Variants in ZDHHC21 observed in about 807,000 individuals in gnomAD.
ZDHHC21 encodes palmitoyltransferase ZDHHC21.
A neutral mutation model predicts 34.6 loss-of-function variants in ZDHHC21; 15 were observed. The ratio of observed to expected loss-of-function variants is 0.43; its 90% CI spans 0.29 to 0.67. ZDHHC21 has a LOEUF of 0.67. ZDHHC21 is among the 30% of genes least tolerant of loss of function. The pLI, the probability that ZDHHC21 is intolerant of heterozygous loss-of-function variation, is 0.14. For synonymous variants in ZDHHC21, 142 were observed against 101.8 expected (o/e 1.40, Z -2.38); for missense variants, 344 against 327.7 (o/e 1.05, Z -0.38).
intron 7 of ZDHHC21, among the ~76,000 whole-genome samples, chr9:14,644,040 G>T (rs1376067813): frequency 6.6e-6 from 1 of 152,102 alleles, no homozygotes; most frequent in African/African-American, 2.4e-5. Flanking sequence ...ACATACTCAT[G>T]CATACATTCA....
At chr9:14,648,876 T>C (rs1830722510) in intron 7 of ZDHHC21, among the ~76,000 whole-genome samples, 1 of 152,150 alleles carries the variant, frequency 6.6e-6, no homozygotes, top group Non-Finnish European at 1.5e-5. Context: ...GCAATTTTTA[T>C]TTATAAACCA....
chr9:14,672,886 C>A lies in ZDHHC21; in HGVS notation c.197G>T (p.Arg66Met). Residue 66 changes from arginine (R) to methionine (M), a missense_variant, in exon 5 of 10, where the codon AGG becomes ATG. Arg to Met is a moderately conservative substitution (Grantham distance 91). Coordinates refer to ENST00000380916, the MANE Select transcript of ZDHHC21 (RefSeq NM_178566.6). Reference protein sequence around the residue: ...ISIFCLVALVRASITDPGRLP... With the variant: ...ISIFCLVALVMASITDPGRLP... ...TCTTCCTGGATCAGTTATGGAGGCC[C>A]TCACTAAGGCAACCAGACAGAATAT... 1 of 1,607,558 alleles carries A rather than the reference C, an allele frequency of 6.2e-7. No individual in the cohort carries two copies. Among genetic ancestry groups the A allele is most frequent in the South Asian group, 1.1e-5 (1 of 90,078 alleles).
chr9:14,621,513 C>G (rs187889151), intron 8 of ZDHHC21, among the ~76,000 whole-genome samples: 10 of 152,180 alleles, frequency 6.6e-5, no homozygotes, highest in Admixed American at 2.6e-4. Context: ...ATTAAATCAT[C>G]ATAAGCATGG....
chr9:14,692,325 A>G (rs998186484), intron 1 of ZDHHC21, among the ~76,000 whole-genome samples: 1 of 152,220 alleles, frequency 6.6e-6, no homozygotes, highest in Non-Finnish European at 1.5e-5. Flanking sequence ...AAGTGCATAT[A>G]TTAGCATAGT....
At chr9:14,619,980 T>C (rs570869278) in intron 8 of ZDHHC21, among the ~76,000 whole-genome samples, 7 of 152,150 alleles carry the variant, frequency 4.6e-5, no homozygotes, top group African/African-American at 9.6e-5. Context: ...TTCTTGACAA[T>C]TCCTTTGAAA....
At chr9:14,645,734 A>T (rs1237379526) in intron 7 of ZDHHC21, among the ~76,000 whole-genome samples, 3 of 152,138 alleles carry the variant, frequency 2.0e-5, no homozygotes, top group Non-Finnish European at 4.4e-5. Flanking sequence ...AATTACCAAG[A>T]AAAAGTCAAA....
At chr9:14,691,328 G>C (rs538789088) in intron 1 of ZDHHC21, among the ~76,000 whole-genome samples, 2 of 152,326 alleles carry the variant, frequency 1.3e-5, no homozygotes, top group South Asian at 2.1e-4. Flanking sequence ...GTTTGCACTT[G>C]TTACTATTCA....
In ZDHHC21 at chr9:14,666,590, T is replaced by C. The variant is rs1210332732; in HGVS notation, c.254-4264A>G. ...CACACCTATTCCAAAATTGACCACA[T>C]AGTAGGAAGTAAAGCTCTCCTCAGC... On this transcript the variant is annotated intron_variant, in intron 5 of 9. Transcript: ENST00000380916. 3.8e-5 allele frequency among the ~76,000 whole-genome samples: 4 copies of C among 105,796 alleles called. 1 individual carries two copies. The South Asian group carries it at 1.2e-3, about 32-fold the overall frequency. 69.4% of individuals were successfully genotyped at this position (105,796 alleles called of 152,430 possible).
chr9:14,672,151 A>C (rs1300419230), intron 5 of ZDHHC21, among the ~76,000 whole-genome samples: 2 of 152,084 alleles, frequency 1.3e-5, no homozygotes, highest in African/African-American at 4.8e-5. Context: ...AGAGTAATTC[A>C]ATAAAAAAAT....
In ZDHHC21 at chr9:14,616,836, T is replaced by C. The variant is rs573937472; in HGVS notation, c.*2130A>G. ...TTGTAGTCCAATAATTTAGGGGAACTGAGTACAGAGGGATCAGGACCAGGA... is the reference window on the plus strand; with the variant it reads ...TTGTAGTCCAATAATTTAGGGGAACCGAGTACAGAGGGATCAGGACCAGGA... On this transcript the variant is annotated 3_prime_UTR_variant, in exon 10 of 10. Coordinates refer to ENST00000380916, the MANE Select transcript of ZDHHC21 (RefSeq NM_178566.6). The C allele has an allele frequency of 1.3e-5, 2 of 151,852 alleles. No individual in the cohort carries two copies. Among genetic ancestry groups the C allele is most frequent in the South Asian group, 4.2e-4 (2 of 4,816 alleles). 9.4% of individuals were successfully genotyped at this position (151,852 alleles called of 1,614,324 possible).
downstream of ZDHHC21, among the ~76,000 whole-genome samples, chr9:14,608,880 T>A (rs1197618774): frequency 2.0e-5 from 3 of 152,168 alleles, no homozygotes; most frequent in Non-Finnish European, 4.4e-5. Context: ...TATAATACAA[T>A]CACGTATTTT....
At position 14,685,886 on chromosome 9, in the gene ZDHHC21, T is replaced by C. The variant is rs1018726051; in HGVS notation, c.-176+4451A>G. ...AATACTATGCAGCCATAAAAAAGGATGAGTTCATGTCCTTTGTAGGGACAC... is the reference window on the plus strand; with the variant it reads ...AATACTATGCAGCCATAAAAAAGGACGAGTTCATGTCCTTTGTAGGGACAC... On this transcript the variant is annotated intron_variant, in intron 2 of 9. Coordinates refer to ENST00000380916, the MANE Select transcript of ZDHHC21 (RefSeq NM_178566.6). Among the ~76,000 whole-genome samples the C allele has an allele frequency of 2.5e-4, 38 of 152,314 alleles. 1 individual carries two copies. The highest frequency in any genetic ancestry group is 8.7e-4 in the African/African-American group (36 of 41,558).
intron 5 of ZDHHC21, among the ~76,000 whole-genome samples, chr9:14,664,428 G>C (rs896518104): frequency 2.7e-5 from 4 of 150,838 alleles, no homozygotes; most frequent in African/African-American, 4.9e-5. Flanking sequence ...AGCCAGGCTG[G>C]GGGAGGGGCG....
At chr9:14,664,488 G>C (rs965096651) in intron 5 of ZDHHC21, among the ~76,000 whole-genome samples, 16 of 151,898 alleles carry the variant, frequency 1.1e-4, no homozygotes, top group Non-Finnish European at 1.6e-4. Context: ...CGGGAAGCTC[G>C]AACTGGCTGG....
At chr9:14,681,074 G>A (rs563258844) in intron 2 of ZDHHC21, among the ~76,000 whole-genome samples, 2 of 152,228 alleles carry the variant, frequency 1.3e-5, no homozygotes, top group African/African-American at 4.8e-5. Context: ...ACAGAATGGG[G>A]TAAGATGTTC....
At chr9:14,593,955 G>A in the ZDHHC21 span, 1 of 152,276 alleles carries the variant, frequency 6.6e-6, no homozygotes, top group African/African-American at 2.4e-5. Flanking sequence ...TGGCTTGGGA[G>A]ACAGCTTGGG....
chr9:14,647,900 A>G (rs1423377931), intron 7 of ZDHHC21, among the ~76,000 whole-genome samples: 2 of 152,036 alleles, frequency 1.3e-5, no homozygotes, highest in African/African-American at 2.4e-5. Flanking sequence ...AAAGCTCCCA[A>G]ATTTATTTAT....
chr9:14,635,380 A>T (rs1828097102), intron 8 of ZDHHC21, among the ~76,000 whole-genome samples: 3 of 152,206 alleles, frequency 2.0e-5, no homozygotes, highest in African/African-American at 7.2e-5. Flanking sequence ...CCGATTTGGC[A>T]CATCATAATC....
intron 1 of ZDHHC21, among the ~76,000 whole-genome samples, chr9:14,692,303 G>C (rs1383523196): frequency 1.3e-5 from 2 of 152,216 alleles, no homozygotes; most frequent in African/African-American, 4.8e-5. Context: ...AAGGAAAGCA[G>C]TGAATTTTTA....
Sources: gnomAD v4.1 joint callset for allele counts (sites outside exome capture counted in the v4.1 genomes callset) on GRCh38, gnomAD v4.1.1 for gene constraint, MANE v1.5 for transcripts, NCBI Gene and HGNC (gene_info 2026-07-23, HGNC 2026-07-21) for gene names.